The following SLC25A21 variants were observed in gnomAD, a reference collection of about 807,000 sequenced individuals.
The protein encoded by SLC25A21 is solute carrier family 25 member 21, also known as mitochondrial 2-oxodicarboxylate carrier.
SLC25A21 carries 47 observed loss-of-function variants against 43.8 expected under a neutral mutation model. The ratio of observed to expected loss-of-function variants is 1.07; its 90% CI spans 0.85 to 1.37. SLC25A21 has a LOEUF of 1.37. Ranked by LOEUF, SLC25A21 falls within the 40% of genes most tolerant of loss-of-function variation. SLC25A21 has a pLI of 0.00. For synonymous variants in SLC25A21, 131 were observed against 121.3 expected (o/e 1.08, Z -0.52); for missense variants, 352 against 350.2 (o/e 1.00, Z -0.04).
At chr14:36,710,095 T>C (rs1883771544) in intron 7 of SLC25A21, among the ~76,000 whole-genome samples, 1 of 152,128 alleles carries the variant, frequency 6.6e-6, no homozygotes, top group Non-Finnish European at 1.5e-5. Context: ...AGAAATAAGG[T>C]CTTACTTGGC....
chr14:36,773,868 G>T lies in SLC25A21; in HGVS notation c.204-39295C>A, dbSNP rs543310788. Among the ~76,000 whole-genome samples, 11 of 152,296 alleles carry T rather than the reference G, an allele frequency of 7.2e-5. No homozygotes were observed. The South Asian group carries it at 1.0e-3, about 14-fold the overall frequency. On this transcript the variant is annotated intron_variant, in intron 3 of 9. Transcript: ENST00000331299. ...ATAGATACATACATCCATTCATAAT[G>T]GTAGGGAAAAACGGAATTGCAACAA... is the stretch of plus-strand genomic sequence containing the variant.
chr14:37,149,229 T>C (rs933570757), intron 1 of SLC25A21, among the ~76,000 whole-genome samples: 13 of 152,136 alleles, frequency 8.5e-5, no homozygotes, highest in Admixed American at 2.6e-4. Flanking sequence ...TCTCCAGCTA[T>C]GAGCTCAAAA....
chr14:37,002,755 T>C lies in SLC25A21; in HGVS notation c.71-127751A>G, dbSNP rs542766209. On this transcript the variant is annotated intron_variant, in intron 1 of 9. Coordinates refer to ENST00000331299, the MANE Select transcript of SLC25A21 (RefSeq NM_030631.4). ...GCTAGTGAATTATCTTCCTGTGATC[T>C]ACAGCCATGTATACTTATTAGCGGG... 5.3e-5 allele frequency among the ~76,000 whole-genome samples: 8 copies of C among 152,336 alleles called. No homozygotes were observed. In the South Asian group the frequency reaches 1.7e-3, roughly 32 times the overall value.
At position 36,678,356 on chromosome 14, in the gene SLC25A21, G is replaced by T; in HGVS notation, c.*2302C>A. The T allele has an allele frequency of 1.2e-6, 1 of 832,210 alleles. No homozygotes were observed. The highest frequency in any genetic ancestry group is 1.9e-6 in the Non-Finnish European group (1 of 525,646). 51.6% of individuals were successfully genotyped at this position (832,210 alleles called of 1,614,324 possible). A position where few individuals can be genotyped will look rare whatever the true frequency, so the allele number is the denominator to read the frequency against. On this transcript the variant is annotated 3_prime_UTR_variant, in exon 10 of 10. Transcript: ENST00000331299. Reference sequence around the variant, plus strand: ...AACTGCATTTATTTCTAAAGCAACCGAAATTCAGTGCTACAAATAGAGGAT... The same window carrying T: ...AACTGCATTTATTTCTAAAGCAACCTAAATTCAGTGCTACAAATAGAGGAT...
chr14:36,830,620 C>T (rs712354), intron 2 of SLC25A21, among the ~76,000 whole-genome samples: 144,429 of 152,242 alleles, frequency 0.95, 68,968 homozygotes, highest in East Asian at 1. Context: ...CTATTTTCAC[C>T]CCACTTAGTT....
chr14:37,009,387 G>A (rs1268713892), intron 1 of SLC25A21, among the ~76,000 whole-genome samples: 1 of 152,148 alleles, frequency 6.6e-6, no homozygotes, highest in African/African-American at 2.4e-5. Context: ...TCAAGAGGCT[G>A]AGGCAGGAGA....
At chr14:36,871,225 T>C (rs572331157) in intron 2 of SLC25A21, among the ~76,000 whole-genome samples, 2 of 152,078 alleles carry the variant, frequency 1.3e-5, no homozygotes, top group African/African-American at 4.8e-5. Context: ...GGAATGGGAT[T>C]AGTGCCCTTA....
intron 1 of SLC25A21, among the ~76,000 whole-genome samples, chr14:37,051,957 G>A (rs1315105382): frequency 6.6e-6 from 1 of 152,200 alleles, no homozygotes; most frequent in Non-Finnish European, 1.5e-5. Context: ...AGCCTGGAGA[G>A]GAGTGAAGAG....
At chr14:36,775,743 AC>A (rs1160629604) in intron 3 of SLC25A21, among the ~76,000 whole-genome samples, 2 of 152,162 alleles carry the variant, frequency 1.3e-5, no homozygotes, top group Non-Finnish European at 2.9e-5. Context: ...GCTGTGAGTG[AC>A]CTTTGTGCCA....
intron 1 of SLC25A21, among the ~76,000 whole-genome samples, chr14:37,000,464 T>C (rs570938278): frequency 4.9e-4 from 75 of 152,284 alleles, no homozygotes; most frequent in African/African-American, 1.7e-3. Context: ...CTCCTACTCA[T>C]TGTGTTCCAG....
intron 1 of SLC25A21, among the ~76,000 whole-genome samples, chr14:36,968,945 A>T (rs1447835343): frequency 6.6e-6 from 1 of 152,238 alleles, no homozygotes; most frequent in Non-Finnish European, 1.5e-5. Flanking sequence ...CAAGGGGTCA[A>T]GTCTTCTCAA....
intron 3 of SLC25A21, among the ~76,000 whole-genome samples, chr14:36,802,816 T>A (rs1204532162): frequency 6.6e-6 from 1 of 152,178 alleles, no homozygotes; most frequent in African/African-American, 2.4e-5. Context: ...CACAGACAAA[T>A]TGTTTCAGGA....
At chr14:36,927,037 G>A (rs559965599) in intron 1 of SLC25A21, among the ~76,000 whole-genome samples, 40 of 152,206 alleles carry the variant, frequency 2.6e-4, no homozygotes, top group African/African-American at 8.2e-4. Context: ...AGGCGTGGTC[G>A]TGTGTGCCTG....
chr14:36,877,246 T>C (rs1055004273), intron 1 of SLC25A21, among the ~76,000 whole-genome samples: 17 of 152,082 alleles, frequency 1.1e-4, no homozygotes, highest in Non-Finnish European at 2.2e-4. Context: ...TCTCAAAAAG[T>C]TTACCAAAAG....
At chr14:37,127,903 T>C (rs1214883432) in intron 1 of SLC25A21, among the ~76,000 whole-genome samples, 1 of 152,160 alleles carries the variant, frequency 6.6e-6, no homozygotes, top group African/African-American at 2.4e-5. Context: ...GAAGAGACTA[T>C]TAGAAGCATA....
rs76725652 is a variant in SLC25A21 at position 36,704,175 on chromosome 14, G to C, written c.603+7143C>G. On this transcript the variant is annotated intron_variant, in intron 7 of 9. Coordinates refer to ENST00000331299, the MANE Select transcript of SLC25A21 (RefSeq NM_030631.4). ...AAACTGGTAATGACCCATTCTTCCA[G>C]GGCCGTGTCTCATAATTCGGTGTTT... Among the ~76,000 whole-genome samples the C allele has an allele frequency of 0.026, 3,887 of 152,242 alleles. 261 individuals are homozygous for C. In the East Asian group the frequency reaches 0.29, roughly 11 times the overall value.
At chr14:36,900,433 A>G (rs1891367342) in intron 1 of SLC25A21, among the ~76,000 whole-genome samples, 1 of 152,130 alleles carries the variant, frequency 6.6e-6, no homozygotes, top group African/African-American at 2.4e-5. Flanking sequence ...TTGAAAAATG[A>G]TAAGACTGGG....
intron 1 of SLC25A21, among the ~76,000 whole-genome samples, chr14:37,046,834 G>T (rs1961596932): frequency 6.6e-6 from 1 of 152,140 alleles, no homozygotes; most frequent in Admixed American, 6.6e-5. Flanking sequence ...TTAAAAGTGT[G>T]GTGGGTTGTG....
At chr14:37,162,209 T>C (rs1963956346) in intron 1 of SLC25A21, among the ~76,000 whole-genome samples, 1 of 152,152 alleles carries the variant, frequency 6.6e-6, no homozygotes, top group Non-Finnish European at 1.5e-5. Context: ...TCCCATTTTG[T>C]AGGTTGCCTG....
Sources: allele counts gnomAD v4.1 joint callset (sites outside exome capture counted in the v4.1 genomes callset), GRCh38; gene constraint gnomAD v4.1.1; transcripts MANE v1.5; gene names NCBI Gene and HGNC (gene_info 2026-07-23, HGNC 2026-07-21).